Variants in DIP2A observed in about 807,000 individuals in gnomAD.
DIP2A encodes DIP2 acetate--CoA ligase A, also known as disco-interacting protein 2 homolog A.
DIP2A carries 85 observed loss-of-function variants against 177.4 expected under a neutral mutation model. That is an observed-to-expected ratio of 0.48 (90% CI 0.40 to 0.57). The LOEUF (loss-of-function observed/expected upper bound fraction) is 0.57, where lower values mean the gene tolerates loss of function less well. Among genes scored for constraint, DIP2A ranks in the 20% least tolerant of loss-of-function variants. The pLI is 0.00. For synonymous variants in DIP2A, 886 were observed against 881.8 expected, an observed-to-expected ratio of 1.00 and a Z score of -0.08; for missense variants, 1,791 against 2,100.2, an observed-to-expected ratio of 0.85 and a Z score of 2.88.
intron 37 of DIP2A, 85 bp from the exon 38 acceptor site, chr21:46,567,285 C>T: frequency 6.5e-7 from 1 of 1,532,830 alleles, no homozygotes; most frequent in South Asian, 1.3e-5. Flanking sequence ...CTTCACTCTT[C>T]TTTGTGCCAC....
intron 3 of DIP2A, among the ~76,000 whole-genome samples, chr21:46,494,062 A>G (rs1412330454): frequency 6.6e-6 from 1 of 152,220 alleles, no homozygotes; most frequent in Admixed American, 6.5e-5. Context: ...TGTATCTGAA[A>G]AGATTGTATT....
rs199584407 is a variant in DIP2A at position 46,531,734 on chromosome 21, C to CTT, written c.1195-391_1195-390dup. On this transcript the variant is annotated intron_variant, in intron 9 of 37. Coordinates refer to ENST00000417564, the MANE Select transcript of DIP2A (RefSeq NM_015151.4). ...TCCTAACAAATTCTGTAAAAATATA[C>CTT]TTTCCATACCAAACATCTAGTCTGA... Among the ~76,000 whole-genome samples the CTT allele has an allele frequency of 6.0e-3, 916 of 152,354 alleles. 8 individuals carry two copies. Among genetic ancestry groups the CTT allele is most frequent in the Middle Eastern group, 0.02 (6 of 294 alleles).
chr21:46,545,680 G>A (rs183562712), intron 19 of DIP2A, among the ~76,000 whole-genome samples: 70 of 152,386 alleles, frequency 4.6e-4, no homozygotes, highest in African/African-American at 1.6e-3. Context: ...TAAAAGGGAT[G>A]CTTGTTTCCT....
chr21:46,528,527 CTTTTTTTTTTTTTTTTTTTTTTTTTTT>C (rs1162872343), intron 8 of DIP2A, among the ~76,000 whole-genome samples: 12 of 29,408 alleles, frequency 4.1e-4, no homozygotes, highest in Non-Finnish European at 6.1e-4. Flanking sequence ...TTTCTGCTTG[CTTTTTTTTTTTTTTTTTTTTTTTTTTT>C]TTTTTTTTTT....
Position 46,556,116 on chromosome 21 carries a change from C to A in DIP2A, c.3498+25C>A. On this transcript the variant is annotated intron_variant, in intron 29 of 37. Transcript: ENST00000417564. This position sits in a 1 kb window ranked among gnomAD's most constrained non-coding sequence, Gnocchi z 4.5. The stretch of plus-strand genomic sequence containing the variant: ...GGTAGGTCCTCTGAAATCTTGTTTG[C>A]TTCAGCCCCTAGAAATCAGGAGGAG... 6.3e-7 allele frequency: 1 copy of A among 1,590,820 alleles called. No individual in the cohort carries two copies. Among genetic ancestry groups the A allele is most frequent in the Non-Finnish European group, 8.6e-7 (1 of 1,159,150 alleles).
At chr21:46,476,281 T>C (rs1424152917) in intron 1 of DIP2A, among the ~76,000 whole-genome samples, 1 of 152,160 alleles carries the variant, frequency 6.6e-6, no homozygotes, top group African/African-American at 2.4e-5. Flanking sequence ...TTAATACATG[T>C]AGCTCTGGCT....
the DIP2A span, among the ~76,000 whole-genome samples, chr21:46,575,618 A>G: frequency 6.6e-6 from 1 of 152,228 alleles, no homozygotes; most frequent in East Asian, 1.9e-4. Flanking sequence ...CTCACAATGA[A>G]CAATTCGAAA....
intron 15 of DIP2A, among the ~76,000 whole-genome samples, chr21:46,538,022 T>G (rs931313273): frequency 6.6e-6 from 1 of 152,002 alleles, no homozygotes; most frequent in Non-Finnish European, 1.5e-5. Flanking sequence ...TGTCCTACTT[T>G]ATGGAGGGAA....
At chr21:46,500,319 GA>G (rs2057581675) in intron 5 of DIP2A, among the ~76,000 whole-genome samples, 1 of 152,192 alleles carries the variant, frequency 6.6e-6, no homozygotes, top group Non-Finnish European at 1.5e-5. Context: ...TTTCTCTTAG[GA>G]AAACAGCCTG....
intron 13 of DIP2A, among the ~76,000 whole-genome samples, chr21:46,536,361 A>G (rs761330062): frequency 5.3e-5 from 8 of 152,328 alleles, no homozygotes; most frequent in Non-Finnish European, 1.2e-4. Context: ...CAGGACCCCT[A>G]TCCACTCCAG....
chr21:46,505,106 A>T (rs531655211), intron 6 of DIP2A, among the ~76,000 whole-genome samples: 1 of 152,344 alleles, frequency 6.6e-6, no homozygotes, highest in African/African-American at 2.4e-5. Context: ...AGGGCCTATC[A>T]TATATGTTGG....
downstream of DIP2A, among the ~76,000 whole-genome samples, chr21:46,570,060 T>C (rs983285966): frequency 6.6e-6 from 1 of 152,368 alleles, no homozygotes; most frequent in East Asian, 1.9e-4. Flanking sequence ...ATTTTACAAG[T>C]GTGCCATGAG....
chr21:46,489,895 CATCT>C (rs1288871401), intron 2 of DIP2A, among the ~76,000 whole-genome samples: 1 of 152,118 alleles, frequency 6.6e-6, no homozygotes, highest in Non-Finnish European at 1.5e-5. Context: ...GTCTTGAGGG[CATCT>C]GTGACCAGGG....
chr21:46,533,846 G>T (rs1601713724), intron 11 of DIP2A, among the ~76,000 whole-genome samples, 158 bp from the exon 12 acceptor site: 1 of 152,198 alleles, frequency 6.6e-6, no homozygotes, highest in East Asian at 1.9e-4. Context: ...CCACTGGCCG[G>T]ATGTACCTTT....
At chr21:46,546,039 C>T in intron 20 of DIP2A, 78 bp downstream of exon 20, 1 of 1,601,370 alleles carries the variant, frequency 6.2e-7, no homozygotes, top group Non-Finnish European at 8.5e-7. Flanking sequence ...CGTTGCAGCC[C>T]CACCCTTGTC....
At chr21:46,543,323 T>C (rs2059894908) in intron 18 of DIP2A, among the ~76,000 whole-genome samples, 1 of 152,236 alleles carries the variant, frequency 6.6e-6, no homozygotes, top group Non-Finnish European at 1.5e-5. Flanking sequence ...GTCATGATTC[T>C]GAATGAATCT....
intron 35 of DIP2A, 107 bp from the exon 36 acceptor site, chr21:46,565,606 C>T (rs190803127): frequency 6.1e-5 from 71 of 1,164,458 alleles, no homozygotes; most frequent in Admixed American, 3.4e-4. Flanking sequence ...GCCCCGACTT[C>T]GTTCAGTGTT....
chr21:46,474,737 C>T (rs889237596), intron 1 of DIP2A, among the ~76,000 whole-genome samples: 1 of 152,164 alleles, frequency 6.6e-6, no homozygotes, highest in Non-Finnish European at 1.5e-5. Context: ...TTAGCCTCAG[C>T]CTCCCAAGTA....
At chr21:46,469,763 T>G (rs1327061918) in intron 1 of DIP2A, among the ~76,000 whole-genome samples, 1 of 152,198 alleles carries the variant, frequency 6.6e-6, no homozygotes, top group Non-Finnish European at 1.5e-5. Flanking sequence ...CCACCTGCCT[T>G]CCTTTCCTCT....
Sources: gnomAD v4.1 joint callset for allele counts (sites outside exome capture counted in the v4.1 genomes callset) on GRCh38, gnomAD v4.1.1 for gene constraint, Gnocchi (gnomAD v3.1) non-coding constraint, MANE v1.5 for transcripts, NCBI Gene and HGNC (gene_info 2026-07-23, HGNC 2026-07-21) for gene names.